The following LYZL6 variants were observed in gnomAD, a reference collection of about 807,000 sequenced individuals.
LYZL6 encodes lysozyme like 6, also known as lysozyme-like protein 6.
LYZL6 carries 21 observed loss-of-function variants against 15.0 expected under a neutral mutation model. The ratio of observed to expected loss-of-function variants is 1.40; its 90% CI spans 1.00 to 2.02. The LOEUF is 2.02. Among genes scored for constraint, LYZL6 ranks in the 30% most tolerant of loss-of-function variants. The pLI is 0.00. For missense variants in LYZL6, 173 were observed against 180.5 expected (o/e 0.96, Z 0.24); for synonymous variants, 72 against 67.8 (o/e 1.06, Z -0.31).
intron 2 of LYZL6, among the ~76,000 whole-genome samples, chr17:35,938,632 A>AG (rs1188982379): frequency 6.6e-6 from 1 of 150,572 alleles, no homozygotes; most frequent in Non-Finnish European, 1.5e-5. Context: ...AAAAAAAAAA[A>AG]GGTACCTAAA....
In LYZL6 at chr17:35,936,729, G is replaced by A. The variant is rs574798807; in HGVS notation, c.377+26C>T. 3.1e-6 allele frequency: 5 copies of A among 1,605,900 alleles called. No individual in the cohort carries two copies. In the East Asian group the frequency reaches 1.1e-4, roughly 36 times the overall value. On this transcript the variant is annotated intron_variant, in intron 4 of 4. Transcript: ENST00000615905. Reference sequence around the variant, plus strand: ...CGTCCTCCTTCGTGGGGCTCTGCCCGCTGAGTCCCACCGTGTCCTCCTCAC... The same window carrying A: ...CGTCCTCCTTCGTGGGGCTCTGCCCACTGAGTCCCACCGTGTCCTCCTCAC...
chr17:35,940,010 C>G (rs544253882), intron 1 of LYZL6, among the ~76,000 whole-genome samples: 2 of 152,100 alleles, frequency 1.3e-5, no homozygotes, highest in Non-Finnish European at 2.9e-5. Context: ...ACACATGACA[C>G]ATGATTTTTC....
chr17:35,937,255 C>T (rs1568420436), intron 3 of LYZL6, among the ~76,000 whole-genome samples: 1 of 152,164 alleles, frequency 6.6e-6, no homozygotes. Flanking sequence ...CCTGTCGAGC[C>T]TCCTGGATCA....
chr17:35,936,160 C>T (rs1442222937), intron 4 of LYZL6, among the ~76,000 whole-genome samples: 4 of 152,202 alleles, frequency 2.6e-5, no homozygotes, highest in Non-Finnish European at 4.4e-5. Context: ...CCACAGGGCC[C>T]GAGCGGCAGC....
rs544179320 is a variant in LYZL6 at position 35,936,424 on chromosome 17, TG to T, written c.377+330del. Among the ~76,000 whole-genome samples the T allele has an allele frequency of 4.4e-3, 666 of 152,286 alleles. 7 individuals carry two copies. The highest frequency in any genetic ancestry group is 0.015 in the African/African-American group (635 of 41,556). On this transcript the variant is annotated intron_variant, in intron 4 of 4. Transcript: ENST00000615905. Reference sequence around the variant, plus strand: ...CACCAAGAGAAGCTGAAACCTGCCATGGACAGTGTGCTGACAATTTCCAGCC... The same window carrying T: ...CACCAAGAGAAGCTGAAACCTGCCATGACAGTGTGCTGACAATTTCCAGCC...
In LYZL6 at chr17:35,936,798, A is replaced by G. The variant is rs1490557148; in HGVS notation, c.334T>C (p.Cys112Arg). 1 of 1,613,898 alleles carries G rather than the reference A, an allele frequency of 6.2e-7. No individual in the cohort carries two copies. The highest frequency in any genetic ancestry group is 1.3e-5 in the African/African-American group (1 of 75,036). Residue 112 changes from cysteine to arginine, a missense_variant, in exon 4 of 5, where the codon TGC becomes CGC. Transcript: ENST00000615905. ...LNPNLLAGIHCAKRIVSGARG... is the reference protein window; with the variant it reads ...LNPNLLAGIHRAKRIVSGARG... ...GCTCCGGACACAATCCTTTTTGCGC[A>G]GTGGATGCCTGCAAGAAGGTTGGGA...
At chr17:35,936,878 C>T (rs1339346622) in intron 3 of LYZL6, 45 bp from the exon 4 acceptor site, 1 of 1,554,336 alleles carries the variant, frequency 6.4e-7, no homozygotes, top group African/African-American at 1.4e-5. Context: ...AGAAGACAGC[C>T]CCAAAGATGG....
intron 3 of LYZL6, 128 bp downstream of exon 3, chr17:35,937,629 TA>T: frequency 2.0e-6 from 2 of 1,015,592 alleles, no homozygotes; most frequent in Non-Finnish European, 1.4e-6. Context: ...CTCTGCTCAG[TA>T]AAGGGATTCC....
intron 2 of LYZL6, 82 bp from the exon 3 acceptor site, chr17:35,937,998 G>T: frequency 7.1e-7 from 1 of 1,412,798 alleles, no homozygotes; most frequent in Admixed American, 1.9e-5. Context: ...GGGAGGCAAG[G>T]TTTCAGACAA....
chr17:35,941,884 C>T (rs1020111420), intron 1 of LYZL6, among the ~76,000 whole-genome samples: 6 of 152,122 alleles, frequency 3.9e-5, no homozygotes, highest in Non-Finnish European at 7.4e-5. Context: ...TATAGGGTCT[C>T]CCCACAGATT....
At chr17:35,939,658 G>A (rs1233242907) in intron 1 of LYZL6, 100 bp from the exon 2 acceptor site, 1 of 215,412 alleles carries the variant, frequency 4.6e-6, no homozygotes, top group East Asian at 9.6e-5. Context: ...GTTGTTGTTT[G>A]TTTTTTATTT....
At chr17:35,941,670 G>T (rs138015583) in intron 1 of LYZL6, among the ~76,000 whole-genome samples, 1 of 151,982 alleles carries the variant, frequency 6.6e-6, no homozygotes, top group African/African-American at 2.4e-5. Context: ...ATAATAAATT[G>T]ACAAAAAGAT....
chr17:35,939,638 A>C, intron 1 of LYZL6, 80 bp from the exon 2 acceptor site: 4 of 249,794 alleles, frequency 1.6e-5, no homozygotes, highest in South Asian at 1.6e-4. Flanking sequence ...ACCAAGGCCA[A>C]TCTTTCTTTG....
intron 1 of LYZL6, among the ~76,000 whole-genome samples, chr17:35,940,729 C>T (rs967042606): frequency 5.9e-5 from 9 of 152,170 alleles, no homozygotes; most frequent in African/African-American, 1.9e-4. Flanking sequence ...TATGGATTTG[C>T]CTCTTCTGGA....
At chr17:35,938,759 C>A (rs989237302) in intron 2 of LYZL6, among the ~76,000 whole-genome samples, 1 of 152,166 alleles carries the variant, frequency 6.6e-6, no homozygotes, top group Non-Finnish European at 1.5e-5. Flanking sequence ...ACTAGCTGTC[C>A]CCTCTGCCTA....
chr17:35,939,133 A>G, intron 2 of LYZL6, 85 bp downstream of exon 2: 1 of 1,488,808 alleles, frequency 6.7e-7, no homozygotes, highest in Non-Finnish European at 9.1e-7. Context: ...TTGGCTTTGA[A>G]AGATGAACAG....
At chr17:35,937,711 G>A in intron 3 of LYZL6, 47 bp downstream of exon 3, 1 of 1,584,708 alleles carries the variant, frequency 6.3e-7, no homozygotes, top group Non-Finnish European at 8.6e-7. Context: ...TGTGAGCAGA[G>A]CCTGGTTGCT....
intron 4 of LYZL6, among the ~76,000 whole-genome samples, chr17:35,935,111 GTGAGCACTGTTTTACAGGGC>G (rs936958800): frequency 9.2e-5 from 14 of 151,658 alleles, no homozygotes; most frequent in African/African-American, 3.4e-4. Context: ...CCCTGAAGGG[GTGAGCACTGTTTTACAGGGC>G]TGAGAGTTAC....
intron 1 of LYZL6, among the ~76,000 whole-genome samples, chr17:35,940,886 A>C (rs1193377590): frequency 6.6e-6 from 1 of 152,256 alleles, no homozygotes; most frequent in Non-Finnish European, 1.5e-5. Flanking sequence ...CATTGTATGA[A>C]TACACCATAC....
Sources: allele counts gnomAD v4.1 joint callset (sites outside exome capture counted in the v4.1 genomes callset), GRCh38; gene constraint gnomAD v4.1.1; transcripts MANE v1.5; gene names NCBI Gene and HGNC (gene_info 2026-07-23, HGNC 2026-07-21).